Variants in TTLL1 observed in about 807,000 individuals in gnomAD.
The protein encoded by TTLL1 is polyglutamylase complex subunit TTLL1.
In TTLL1, 33 loss-of-function variants were observed where a neutral mutation model predicts 47.8. That is an observed-to-expected ratio of 0.69 (90% CI 0.52 to 0.92). The LOEUF (loss-of-function observed/expected upper bound fraction) is 0.92. Ranked by LOEUF, TTLL1 falls within the 40% of genes least tolerant of loss-of-function variation. The pLI is 0.00. For missense variants in TTLL1, 488 were observed against 547.5 expected, an observed-to-expected ratio of 0.89 and a Z score of 1.08; for synonymous variants, 225 against 214.1, an observed-to-expected ratio of 1.05 and a Z score of -0.45.
chr22:43,058,358 C>T (rs547473422), intron 8 of TTLL1, among the ~76,000 whole-genome samples: 85 of 152,284 alleles, frequency 5.6e-4, no homozygotes, highest in African/African-American at 1.7e-3. Flanking sequence ...CGAATGCCAA[C>T]TGAAAACCAG....
At chr22:43,054,723 CTT>C (rs60472260) in intron 8 of TTLL1, among the ~76,000 whole-genome samples, 8 of 95,764 alleles carry the variant, frequency 8.4e-5, no homozygotes, top group Non-Finnish European at 5.8e-5. Context: ...TGCACCTGGC[CTT>C]TTTTTTTTTT....
At chr22:43,042,748 G>T (rs996825704) in intron 10 of TTLL1, among the ~76,000 whole-genome samples, 3 of 152,074 alleles carry the variant, frequency 2.0e-5, no homozygotes, top group African/African-American at 7.2e-5. Flanking sequence ...AATGGAGCTG[G>T]GGTTCTTTGA....
At chr22:43,046,637 A>G in intron 9 of TTLL1, 64 bp from the exon 10 acceptor site, 4 of 1,576,262 alleles carry the variant, frequency 2.5e-6, no homozygotes, top group Non-Finnish European at 3.5e-6. Context: ...GAAAATGTGC[A>G]CTGCAGAAGG....
At chr22:43,048,802 T>C (rs1926362490) in intron 9 of TTLL1, among the ~76,000 whole-genome samples, 1 of 151,778 alleles carries the variant, frequency 6.6e-6, no homozygotes, top group Admixed American at 6.6e-5. Flanking sequence ...CCAGGCGTGG[T>C]GGCAGTTACC....
chr22:43,060,766 A>C (rs1247770291), intron 7 of TTLL1, among the ~76,000 whole-genome samples: 2 of 152,312 alleles, frequency 1.3e-5, no homozygotes, highest in African/African-American at 4.8e-5. Flanking sequence ...AAATACCCAA[A>C]TGTATTACAT....
At chr22:43,080,748 A>T (rs1928823198) in intron 1 of TTLL1, among the ~76,000 whole-genome samples, 1 of 98,842 alleles carries the variant, frequency 1.0e-5, no homozygotes, top group Non-Finnish European at 2.6e-5. Flanking sequence ...AGCTGGATGG[A>T]GCTAAGGTGC....
chr22:43,087,872 G>A (rs546855896), intron 1 of TTLL1, among the ~76,000 whole-genome samples: 1 of 145,332 alleles, frequency 6.9e-6, no homozygotes, highest in African/African-American at 2.6e-5. Flanking sequence ...ATATGGCCAG[G>A]CACAGTGGCT....
At chr22:43,057,950 A>ATT (rs1404346947) in intron 8 of TTLL1, among the ~76,000 whole-genome samples, 2 of 124,518 alleles carry the variant, frequency 1.6e-5, no homozygotes, top group African/African-American at 6.6e-5. Context: ...ATATATATAT[A>ATT]TATTTTTTTT....
In TTLL1 at chr22:43,068,428, C is replaced by T. The variant is rs1371303617; in HGVS notation, c.485G>A (p.Arg162Gln). 1 of 1,536,960 alleles carries T rather than the reference C, an allele frequency of 6.5e-7. No homozygotes were observed. The highest frequency in any genetic ancestry group is 8.9e-7 in the Non-Finnish European group (1 of 1,126,220). The part of the protein sequence containing the change: ...NKLSQIKKWS[R>Q]DSKTSSFVSQ... ...CACTTACGAAGATGTCTTGCTGTCC[C>T]GGGACCACTTTTTGATCTGTGAGAG... The change falls in exon 5 of 11, where the codon CGG becomes CAG. Residue 162 changes from arginine to glutamine, a missense_variant. Coordinates refer to ENST00000266254, the MANE Select transcript of TTLL1 (RefSeq NM_012263.5).
chr22:43,084,304 C>T (rs959220814), intron 1 of TTLL1, among the ~76,000 whole-genome samples: 17 of 152,046 alleles, frequency 1.1e-4, no homozygotes, highest in Middle Eastern at 3.4e-3. Context: ...GCACCCGCCA[C>T]GATGCCCAGC....
rs574668741 is a variant in TTLL1 at position 43,064,184 on chromosome 22, G to A, written c.638+6C>T. On this transcript the variant is annotated splice_donor_region_variant and intron_variant, in intron 6 of 10. Coordinates refer to ENST00000266254, the MANE Select transcript of TTLL1 (RefSeq NM_012263.5). ...AAGAGGGAACCAAAACCTTAGGGACGCTTACATGTAACAGCGCAGTGGACG... is the reference window on the plus strand; with the variant it reads ...AAGAGGGAACCAAAACCTTAGGGACACTTACATGTAACAGCGCAGTGGACG... 14 of 1,606,534 alleles carry A rather than the reference G, an allele frequency of 8.7e-6. No individual in the cohort carries two copies. Among genetic ancestry groups the A allele is most frequent in the African/African-American group, 1.3e-5 (1 of 74,632 alleles).
chr22:43,076,230 C>T (rs749796833), intron 2 of TTLL1, among the ~76,000 whole-genome samples: 5 of 151,646 alleles, frequency 3.3e-5, no homozygotes, highest in East Asian at 1.9e-4. Flanking sequence ...CCGAGGCAGG[C>T]GGATCGCCTG....
At chr22:43,087,946 G>C (rs955983208) in intron 1 of TTLL1, among the ~76,000 whole-genome samples, 29 of 149,566 alleles carry the variant, frequency 1.9e-4, no homozygotes, top group Non-Finnish European at 3.4e-4. Context: ...TCAGGAGCTC[G>C]AGACCAGCCT....
chr22:43,047,150 C>T (rs551699692), intron 9 of TTLL1, among the ~76,000 whole-genome samples: 2 of 152,254 alleles, frequency 1.3e-5, no homozygotes, highest in South Asian at 2.1e-4. Context: ...ATATCACAAA[C>T]GTTATCAGTG....
chr22:43,060,565 A>C (rs1927328518), intron 7 of TTLL1, among the ~76,000 whole-genome samples: 1 of 152,238 alleles, frequency 6.6e-6, no homozygotes, highest in South Asian at 2.1e-4. Flanking sequence ...AGAAGACGCC[A>C]TTATCATCCC....
Position 43,051,828 on chromosome 22 carries a change from G to A in TTLL1, c.951C>T (p.Asp317=), listed in dbSNP as rs752864757. The change falls in exon 9 of 11, where the codon GAC becomes GAT. Residue 317 remains aspartate (D), a synonymous_variant. Transcript: ENST00000266254. The part of the protein sequence containing the change: ...FECYGYDIII[D]DKLKPWLIEV... Reference sequence around the variant, plus strand: ...CGATCAGCCAGGGCTTCAGCTTGTCGTCGATGATGATGTCGTAGCCATAGC... The same window carrying A: ...CGATCAGCCAGGGCTTCAGCTTGTCATCGATGATGATGTCGTAGCCATAGC... 39 of 1,613,862 alleles carry A rather than the reference G, an allele frequency of 2.4e-5. No individual in the cohort carries two copies. Among genetic ancestry groups the A allele is most frequent in the Non-Finnish European group, 3.1e-5 (36 of 1,180,002 alleles).
At chr22:43,041,793 G>T (rs1343929524) in intron 10 of TTLL1, among the ~76,000 whole-genome samples, 1 of 152,208 alleles carries the variant, frequency 6.6e-6, no homozygotes, top group Non-Finnish European at 1.5e-5. Context: ...TGGGATTACA[G>T]GTGTGAGCCA....
At chr22:43,077,895 C>A (rs1928615523) in intron 2 of TTLL1, among the ~76,000 whole-genome samples, 1 of 151,994 alleles carries the variant, frequency 6.6e-6, no homozygotes, top group Non-Finnish European at 1.5e-5. Context: ...TCACTTGAGC[C>A]CAAGAGTTTG....
chr22:43,068,680 G>A, intron 4 of TTLL1, 90 bp from the exon 5 acceptor site: 12 of 1,223,390 alleles, frequency 9.8e-6, no homozygotes, highest in Non-Finnish European at 1.3e-5. Context: ...TCCAGGGCCT[G>A]TGGGCTGAGT....
Sources: allele counts gnomAD v4.1 joint callset (sites outside exome capture counted in the v4.1 genomes callset), GRCh38; gene constraint gnomAD v4.1.1; transcripts MANE v1.5; gene names NCBI Gene and HGNC (gene_info 2026-07-23, HGNC 2026-07-21).